Variants in FAM149A observed in about 807,000 individuals in gnomAD.
FAM149A encodes protein FAM149A.
FAM149A carries 71 observed loss-of-function variants against 78.2 expected under a neutral mutation model. The ratio of observed to expected loss-of-function variants is 0.91; its 90% CI spans 0.75 to 1.11. The LOEUF is 1.11. FAM149A is among the 50% of genes least tolerant of loss of function. FAM149A has a pLI of 0.00. For synonymous variants in FAM149A, 446 were observed against 410.5 expected, an observed-to-expected ratio of 1.09 and a Z score of -1.04; for missense variants, 1,036 against 971.0, an observed-to-expected ratio of 1.07 and a Z score of -0.89.
At chr4:186,157,284 A>G (rs961804675) in intron 7 of FAM149A, among the ~76,000 whole-genome samples, 6 of 152,182 alleles carry the variant, frequency 3.9e-5, no homozygotes, top group African/African-American at 1.4e-4. Flanking sequence ...GTTAACCTAA[A>G]TCCTGTTCTT....
chr4:186,153,028 T>C (rs1000516257), intron 4 of FAM149A, among the ~76,000 whole-genome samples: 1 of 152,080 alleles, frequency 6.6e-6, no homozygotes, highest in African/African-American at 2.4e-5. Context: ...AGGGTTGTTT[T>C]TTTTTTTCTT....
intron 1 of FAM149A, among the ~76,000 whole-genome samples, 175 bp downstream of exon 1, chr4:186,105,817 G>A (rs985835733): frequency 7.2e-5 from 11 of 152,216 alleles, no homozygotes; most frequent in Non-Finnish European, 1.3e-4. Context: ...TTGGCTTTGC[G>A]GGCTTTCAGA....
intron 1 of FAM149A, among the ~76,000 whole-genome samples, chr4:186,136,772 A>G (rs1283823750): frequency 1.3e-5 from 2 of 152,174 alleles, no homozygotes; most frequent in African/African-American, 2.4e-5. Flanking sequence ...TGTGCCCTGC[A>G]GGGCTGCAGG....
chr4:186,113,917 G>T (rs556332017), intron 1 of FAM149A, among the ~76,000 whole-genome samples: 2 of 152,098 alleles, frequency 1.3e-5, no homozygotes, highest in South Asian at 4.2e-4. Flanking sequence ...GGTCCACTTG[G>T]TGCAGAGCTG....
At chr4:186,165,624 C>A (rs1304668867) in intron 11 of FAM149A, among the ~76,000 whole-genome samples, 160 bp downstream of exon 11, 1 of 152,180 alleles carries the variant, frequency 6.6e-6, no homozygotes, top group Non-Finnish European at 1.5e-5. Flanking sequence ...AAATGAATGG[C>A]TTATGAGAAT....
Position 186,164,504 on chromosome 4 carries a change from A to T in FAM149A, c.1890-840A>T. ...CAGACTTTTTCCAGATGCAGTCATA[A>T]CCCCCCTTTCAGCTTTTTAATTGGT... On this transcript the variant is annotated intron_variant, in intron 10 of 13. Transcript: ENST00000389354. This position sits in a 1 kb window ranked among gnomAD's most constrained non-coding sequence, Gnocchi z 4.0. 2.0e-6 allele frequency: 2 copies of T among 984,740 alleles called. No homozygotes were observed. The highest frequency in any genetic ancestry group is 2.4e-6 in the Non-Finnish European group (2 of 829,488). The allele number at this position is 984,740 out of a possible 1,614,324, so 61.0% of individuals were successfully genotyped here.
chr4:186,120,304 T>C (rs1579790620), intron 1 of FAM149A, among the ~76,000 whole-genome samples: 1 of 152,324 alleles, frequency 6.6e-6, no homozygotes, highest in Non-Finnish European at 1.5e-5. Flanking sequence ...TAATTCCACC[T>C]AGCTGCTATG....
At chr4:186,146,765 A>G (rs976669682) in intron 1 of FAM149A, 8 of 980,884 alleles carry the variant, frequency 8.2e-6, no homozygotes, top group Non-Finnish European at 9.7e-6. Context: ...ACGTTATCCA[A>G]TAGTGTCTTG....
At chr4:186,111,871 C>T (rs12651690) in intron 1 of FAM149A, among the ~76,000 whole-genome samples, 85,280 of 149,930 alleles carry the variant, frequency 0.57, 25,746 homozygotes, top group East Asian at 0.69. Flanking sequence ...ATTGCCTTGG[C>T]GATGTGGGCT....
chr4:186,122,906 C>T (rs2099316688), intron 1 of FAM149A: 3 of 256,960 alleles, frequency 1.2e-5, no homozygotes, highest in Non-Finnish European at 1.8e-5. Context: ...CATATTTCCA[C>T]CTTTCTTGAA....
intron 1 of FAM149A, among the ~76,000 whole-genome samples, chr4:186,124,652 C>A (rs1265347084): frequency 6.6e-6 from 1 of 152,158 alleles, no homozygotes; most frequent in African/African-American, 2.4e-5. Context: ...TTGTCTTAAT[C>A]CAGTCTATCA....
chr4:186,146,628 A>C, intron 1 of FAM149A: 2 of 743,132 alleles, frequency 2.7e-6, no homozygotes, highest in Non-Finnish European at 3.3e-6. Context: ...AGTTGCACAA[A>C]AGCAGGAGGA....
intron 1 of FAM149A, 51 bp downstream of exon 1, chr4:186,105,693 C>A: frequency 9.8e-7 from 1 of 1,021,182 alleles, no homozygotes; most frequent in Non-Finnish European, 1.2e-6. Flanking sequence ...GGACCCCCGA[C>A]CCCTCCGCCT....
At chr4:186,157,860 C>T in intron 8 of FAM149A, 141 bp downstream of exon 8, 1 of 1,546,854 alleles carries the variant, frequency 6.5e-7, no homozygotes. Context: ...GCAGGCTTTC[C>T]ATGGTAACTT....
intron 1 of FAM149A, among the ~76,000 whole-genome samples, chr4:186,113,360 A>AT (rs1221495696): frequency 1.9e-5 from 2 of 106,408 alleles, no homozygotes; most frequent in Non-Finnish European, 1.9e-5. Context: ...GGATTCATTA[A>AT]TTTTTTGAAG....
chr4:186,142,907 G>A (rs759772860), intron 1 of FAM149A, among the ~76,000 whole-genome samples: 14 of 152,228 alleles, frequency 9.2e-5, no homozygotes, highest in Admixed American at 2.0e-4. Context: ...TACATTTGGG[G>A]TGGTTTGTTA....
chr4:186,110,266 T>C, intron 1 of FAM149A: 3 of 985,394 alleles, frequency 3.0e-6, no homozygotes, highest in Non-Finnish European at 2.4e-6. Context: ...GAATAATTAT[T>C]GTCTTAGGTC....
At chr4:186,147,642 T>C (rs1271780945) in intron 1 of FAM149A, among the ~76,000 whole-genome samples, 1 of 152,268 alleles carries the variant, frequency 6.6e-6, no homozygotes, top group African/African-American at 2.4e-5. Context: ...AGTCATATAT[T>C]AACTCCTATA....
chr4:186,119,391 G>T (rs1194990295), intron 1 of FAM149A, among the ~76,000 whole-genome samples: 1 of 152,128 alleles, frequency 6.6e-6, no homozygotes, highest in East Asian at 1.9e-4. Flanking sequence ...CAAAATAAAG[G>T]CTTTGTCATG....
Sources: allele counts gnomAD v4.1 joint callset (sites outside exome capture counted in the v4.1 genomes callset), GRCh38; gene constraint gnomAD v4.1.1; non-coding constraint Gnocchi (gnomAD v3.1); transcripts MANE v1.5; gene names NCBI Gene and HGNC (gene_info 2026-07-23, HGNC 2026-07-21).